The following FAM234A variants were observed in gnomAD, a reference collection of about 807,000 sequenced individuals.
FAM234A encodes protein FAM234A.
Under a neutral mutation model 49.1 loss-of-function variants are expected in FAM234A, and 42 were observed. The ratio of observed to expected loss-of-function variants is 0.86; its 90% CI spans 0.67 to 1.11. FAM234A has a LOEUF of 1.11. FAM234A is among the 50% of genes least tolerant of loss of function. FAM234A has a pLI of 0.00. For synonymous variants in FAM234A, 369 were observed against 316.2 expected, an observed-to-expected ratio of 1.17 and a Z score of -1.77; for missense variants, 815 against 745.2, an observed-to-expected ratio of 1.09 and a Z score of -1.09.
intron 2 of FAM234A, among the ~76,000 whole-genome samples, chr16:251,646 C>G (rs754026106): frequency 1.4e-5 from 2 of 139,528 alleles, no homozygotes; most frequent in African/African-American, 2.7e-5. Flanking sequence ...CAGAGTGCTG[C>G]GATTACAGGC....
chr16:261,479 C>G lies in FAM234A; in HGVS notation c.673C>G (p.Pro225Ala). 2 of 1,612,136 alleles carry G rather than the reference C, an allele frequency of 1.2e-6. No individual in the cohort carries two copies. The change falls in exon 6 of 13, where the codon CCA becomes GCA. Residue 225 changes from proline (P) to alanine (A), a missense_variant. Physicochemically the swap from Pro to Ala is conservative, Grantham distance 27. Coordinates refer to ENST00000399932, the MANE Select transcript of FAM234A (RefSeq NM_032039.4). ...QVPDVDGDGA[P>A]DLLVLTQERE... ...GCCTGATGTGGACGGCGATGGGGCC[C>G]CAGACCTGCTGGTTCTCACCCAGGA...
intron 3 of FAM234A, among the ~76,000 whole-genome samples, chr16:255,579 G>C (rs2051199852): frequency 6.6e-6 from 1 of 152,152 alleles, no homozygotes; most frequent in Admixed American, 6.5e-5. Context: ...GTCTCAAAAA[G>C]AGAAAATTCC....
chr16:269,515 T>C (rs1350634954), downstream of FAM234A: 1 of 1,612,990 alleles, frequency 6.2e-7, no homozygotes, highest in East Asian at 2.2e-5. Context: ...TCTCTTCATC[T>C]CCAGCGGGAT....
chr16:264,494 TG>T, intron 11 of FAM234A, 119 bp from the exon 12 acceptor site: 3 of 794,210 alleles, frequency 3.8e-6, no homozygotes, highest in Non-Finnish European at 6.1e-6. Flanking sequence ...GGCTGGCATT[TG>T]GGGGACCCAG....
intron 1 of FAM234A, among the ~76,000 whole-genome samples, chr16:239,081 C>G (rs574443403): frequency 2.0e-4 from 28 of 139,300 alleles, no homozygotes; most frequent in African/African-American, 6.5e-4. Context: ...GCCTACGTCT[C>G]AAAAATAAAA....
At chr16:269,318 A>G, downstream of FAM234A, 5 of 1,598,926 alleles carry the variant, frequency 3.1e-6, no homozygotes, top group Non-Finnish European at 4.3e-6. Flanking sequence ...TGTGGGCTCC[A>G]CAGGGGTGGG....
At chr16:236,920 T>A (rs2050424298) in intron 1 of FAM234A, among the ~76,000 whole-genome samples, 1 of 150,046 alleles carries the variant, frequency 6.7e-6, no homozygotes, top group African/African-American at 2.4e-5. Context: ...TAAAATAAAA[T>A]AAATAAATAA....
At chr16:257,292 G>A (rs1404445085) in intron 3 of FAM234A, among the ~76,000 whole-genome samples, 6 of 129,962 alleles carry the variant, frequency 4.6e-5, no homozygotes, top group Non-Finnish European at 9.4e-5. Flanking sequence ...CATCCAGGCT[G>A]GAGAGTGCAG....
At chr16:268,475 C>G (rs3743879), downstream of FAM234A, 93,347 of 485,072 alleles carry the variant, frequency 0.19, 15,056 homozygotes, top group African/African-American at 0.57. Context: ...GTCTGGGGGA[C>G]TGGTGAGGCA....
At chr16:246,640 C>A (rs1218192890) in intron 1 of FAM234A, among the ~76,000 whole-genome samples, 1 of 151,018 alleles carries the variant, frequency 6.6e-6, no homozygotes, top group Non-Finnish European at 1.5e-5. Context: ...AGGATGGTCT[C>A]AATCTCCTGA....
At chr16:254,758 G>A in intron 3 of FAM234A, 77 bp downstream of exon 3, 3 of 1,431,302 alleles carry the variant, frequency 2.1e-6, no homozygotes, top group Non-Finnish European at 1.9e-6. Context: ...GCAGAACTGT[G>A]TCTGCGAGTC....
intron 5 of FAM234A, chr16:261,100 A>T: frequency 3.1e-6 from 1 of 326,982 alleles, no homozygotes; most frequent in Non-Finnish European, 5.8e-6. Flanking sequence ...AGGAAGGGGG[A>T]ACTCTGCGGT....
intron 3 of FAM234A, among the ~76,000 whole-genome samples, chr16:258,109 C>G (rs8062070): frequency 0.036 from 5,417 of 152,016 alleles, 356 homozygotes; most frequent in African/African-American, 0.12. Flanking sequence ...CCGCCTCGGC[C>G]TCCTAAAGTG....
intron 4 of FAM234A, 35 bp downstream of exon 4, chr16:259,634 C>G (rs1175777972): frequency 3.0e-6 from 4 of 1,314,198 alleles, no homozygotes; most frequent in East Asian, 2.3e-5. Flanking sequence ...GCGGAGCTCC[C>G]TGTAGAAAGA....
chr16:248,795 A>G lies in FAM234A; in HGVS notation c.-139-754A>G, dbSNP rs185637135. ...ACCACCACACCTGGCTGATTTTTGTATTTTTGGGTAGAGAAGAAGTGTCCC... is the reference window on the plus strand; with the variant it reads ...ACCACCACACCTGGCTGATTTTTGTGTTTTTGGGTAGAGAAGAAGTGTCCC... On this transcript the variant is annotated intron_variant, in intron 1 of 12. Transcript: ENST00000399932. Among the ~76,000 whole-genome samples, 39 of 151,596 alleles carry G rather than the reference A, an allele frequency of 2.6e-4. 1 individual carries two copies. Among genetic ancestry groups the G allele is most frequent in the Admixed American group, 2.4e-3 (37 of 15,228 alleles).
chr16:266,891 C>T (rs739998), downstream of FAM234A, among the ~76,000 whole-genome samples: 69,712 of 151,804 alleles, frequency 0.46, 18,256 homozygotes, highest in East Asian at 0.62. Flanking sequence ...CCTGACAGCA[C>T]GGGAGGGAGG....
intron 7 of FAM234A, 29 bp downstream of exon 7, chr16:262,254 A>G (rs10903013): frequency 0.22 from 357,836 of 1,611,028 alleles, 47,596 homozygotes; most frequent in African/African-American, 0.56. Flanking sequence ...ATCCCTGGCC[A>G]GCCTCACTCG....
In FAM234A at chr16:262,204, C is replaced by T. The variant is rs1024137854; in HGVS notation, c.820C>T (p.His274Tyr). 3.1e-6 allele frequency: 5 copies of T among 1,613,966 alleles called. No individual in the cohort carries two copies. The highest frequency in any genetic ancestry group is 4.2e-6 in the Non-Finnish European group (5 of 1,180,010). ...FLLHVTRTGAHYILFPCASSL... is the reference protein window; with the variant it reads ...FLLHVTRTGAYYILFPCASSL... The stretch of plus-strand genomic sequence containing the variant: ...CCTTCACGTCACCAGGACAGGTGCC[C>T]ACTACATCCTCTTTCCCTGCGGTAC... The change falls in exon 7 of 13, where the codon CAC becomes TAC. Residue 274 changes from histidine (H) to tyrosine (Y), a missense_variant. By Grantham distance (83) the His-to-Tyr change is moderately conservative (BLOSUM62 2). Transcript: ENST00000399932.
intron 2 of FAM234A, among the ~76,000 whole-genome samples, chr16:252,244 C>T (rs1277388350): frequency 1.4e-5 from 2 of 146,306 alleles, no homozygotes; most frequent in East Asian, 2.1e-4. Context: ...TGCAGTGGCG[C>T]GATCTTGGCT....
Sources: gnomAD v4.1 joint callset for allele counts (sites outside exome capture counted in the v4.1 genomes callset) on GRCh38, gnomAD v4.1.1 for gene constraint, MANE v1.5 for transcripts, NCBI Gene and HGNC (gene_info 2026-07-23, HGNC 2026-07-21) for gene names.